The following MOB1A variants were observed in gnomAD, a reference collection of about 807,000 sequenced individuals.
The protein encoded by MOB1A is MOB1 Mps One Binder homolog A.
A neutral mutation model predicts 25.1 loss-of-function variants in MOB1A; 10 were observed. That is an observed-to-expected ratio of 0.40 (90% confidence interval 0.25 to 0.68). The LOEUF is 0.68. Among genes scored for constraint, MOB1A ranks in the 30% least tolerant of loss-of-function variants. The pLI is 0.40. For missense variants in MOB1A, 177 were observed against 256.3 expected (o/e 0.69, Z 2.11); for synonymous variants, 81 against 79.5 (o/e 1.02, Z -0.10).
At chr2:74,172,522 C>G in intron 2 of MOB1A, 64 bp downstream of exon 2, 2 of 1,486,708 alleles carry the variant, frequency 1.3e-6, no homozygotes, top group Non-Finnish European at 1.8e-6. Context: ...AAAGAAAATT[C>G]ATTAACAAAG....
intron 5 of MOB1A, among the ~76,000 whole-genome samples, chr2:74,157,818 T>A (rs1692845543): frequency 6.6e-6 from 1 of 152,136 alleles, no homozygotes; most frequent in African/African-American, 2.4e-5. Flanking sequence ...CAACTCTAGG[T>A]ATCAGTATGA....
At chr2:74,171,964 C>T (rs1474970528) in intron 2 of MOB1A, among the ~76,000 whole-genome samples, 1 of 152,022 alleles carries the variant, frequency 6.6e-6, no homozygotes, top group Non-Finnish European at 1.5e-5. Flanking sequence ...ACTTTTTATT[C>T]CTGGAACATC....
Position 74,153,020 on chromosome 2 carries a change from G to C in MOB1A, c.*3548C>G, listed in dbSNP as rs915224888. On this transcript the variant is annotated 3_prime_UTR_variant, in exon 6 of 6. Transcript: ENST00000396049. ...GAAAGCAAAAATAGGATGACCAAAGGACTACTATTTTACCTCTTTTCAGAA... is the reference window on the plus strand; with the variant it reads ...GAAAGCAAAAATAGGATGACCAAAGCACTACTATTTTACCTCTTTTCAGAA... 7 of 152,100 alleles carry C rather than the reference G, an allele frequency of 4.6e-5. No individual in the cohort carries two copies. Among genetic ancestry groups the C allele is most frequent in the African/African-American group, 1.7e-4 (7 of 41,414 alleles). The allele number at this position is 152,100 out of a possible 1,614,324, so 9.4% of individuals were successfully genotyped here.
chr2:74,170,140 T>G (rs200208075), intron 2 of MOB1A, among the ~76,000 whole-genome samples: 1 of 143,370 alleles, frequency 7.0e-6, no homozygotes, highest in African/African-American at 2.6e-5. Flanking sequence ...TTGTTTGTTT[T>G]TGTGTGTGTG....
Position 74,158,202 on chromosome 2 carries a change from G to GT in MOB1A, c.573+888_573+889insA, listed in dbSNP as rs1553444322. Among the ~76,000 whole-genome samples, 3 of 135,982 alleles carry GT rather than the reference G, an allele frequency of 2.2e-5. No homozygotes were observed. The East Asian group carries it at 6.5e-4, about 30-fold the overall frequency. 89.2% of individuals were successfully genotyped at this position (135,982 alleles called of 152,430 possible). ...CTCCAAAAAAAAAAAAAAGAGGGGG[G>GT]AAAAAAAAAAAAGAAACTACCTGAA... On this transcript the variant is annotated intron_variant, in intron 5 of 5. Transcript: ENST00000396049.
In MOB1A at chr2:74,175,890, G is replaced by A. The variant is rs143390387; in HGVS notation, c.14+2771C>T. Among the ~76,000 whole-genome samples the A allele has an allele frequency of 2.0e-3, 297 of 152,146 alleles. 1 individual carries two copies. The highest frequency in any genetic ancestry group is 6.5e-3 in the African/African-American group (269 of 41,500). ...GGTGATTACTTCTAGGAAGAGGAATGGAATAGAACTATGGACTTTTACTTT... is the reference window on the plus strand; with the variant it reads ...GGTGATTACTTCTAGGAAGAGGAATAGAATAGAACTATGGACTTTTACTTT... On this transcript the variant is annotated intron_variant, in intron 1 of 5. Coordinates refer to ENST00000396049, the MANE Select transcript of MOB1A (RefSeq NM_018221.5).
intron 2 of MOB1A, among the ~76,000 whole-genome samples, chr2:74,169,176 G>A (rs1432118159): frequency 2.6e-5 from 4 of 152,170 alleles, no homozygotes; most frequent in Non-Finnish European, 4.4e-5. Context: ...CATATTTATG[G>A]TAACATGTAA....
chr2:74,165,293 G>A lies in MOB1A; in HGVS notation c.334C>T (p.Pro112Ser). The change falls in exon 4 of 6, where the codon CCA becomes TCA. Residue 112 changes from proline to serine, a missense_variant. By Grantham distance (74) the Pro-to-Ser change is moderately conservative (BLOSUM62 -1). Transcript: ENST00000396049. ...NIKKPIKCSAPKYIDYLMTWV... is the reference protein window; with the variant it reads ...NIKKPIKCSASKYIDYLMTWV... The stretch of plus-strand genomic sequence containing the variant: ...GTCATCAAATAGTCAATGTATTTTG[G>A]TGCAGAACATTTGATTGGCTTTTTA... 6.3e-7 allele frequency: 1 copy of A among 1,583,652 alleles called. No individual in the cohort carries two copies. The highest frequency in any genetic ancestry group is 8.6e-7 in the Non-Finnish European group (1 of 1,163,388).
chr2:74,156,467 C>A lies in MOB1A; in HGVS notation c.*101G>T, dbSNP rs1242807468. The A allele has an allele frequency of 3.3e-6, 3 of 896,972 alleles. No homozygotes were observed. The African/African-American group carries it at 5.1e-5, about 15-fold the overall frequency. The allele number at this position is 896,972 out of a possible 1,614,324, so 55.6% of individuals were successfully genotyped here. On this transcript the variant is annotated 3_prime_UTR_variant, in exon 6 of 6. Coordinates refer to ENST00000396049, the MANE Select transcript of MOB1A (RefSeq NM_018221.5). ...CACAGGCAATGGGTATCTTTTTATC[C>A]TGTTTTCTTAAAGTTTGTATCACTA...
At chr2:74,162,632 A>C (rs1693005434) in intron 4 of MOB1A, among the ~76,000 whole-genome samples, 1 of 152,238 alleles carries the variant, frequency 6.6e-6, no homozygotes, top group Admixed American at 6.5e-5. Context: ...CAGTCAATAT[A>C]AAATAAAGAT....
At position 74,154,269 on chromosome 2, in the gene MOB1A, C is replaced by T. The variant is rs1318631501; in HGVS notation, c.*2299G>A. On this transcript the variant is annotated 3_prime_UTR_variant, in exon 6 of 6. Coordinates refer to ENST00000396049, the MANE Select transcript of MOB1A (RefSeq NM_018221.5). ...CCCTCTAGCCAACTCAGGAAGGCGC[C>T]ATCCTCTTCCCATTATCTCCCCTTC... The T allele has an allele frequency of 6.6e-6, 1 of 152,128 alleles. No homozygotes were observed. The highest frequency in any genetic ancestry group is 1.5e-5 in the Non-Finnish European group (1 of 68,044). 9.4% of individuals were successfully genotyped at this position (152,128 alleles called of 1,614,324 possible). A position where few individuals can be genotyped will look rare whatever the true frequency, so the allele number is the denominator to read the frequency against.
intron 5 of MOB1A, among the ~76,000 whole-genome samples, 169 bp from the exon 6 acceptor site, chr2:74,156,814 C>CT (rs1572952289): frequency 6.7e-6 from 1 of 149,156 alleles, no homozygotes; most frequent in African/African-American, 2.5e-5. Context: ...TTTTTTTTTT[C>CT]TTTTTTGTAC....
At chr2:74,160,199 C>A (rs544452998) in intron 4 of MOB1A, among the ~76,000 whole-genome samples, 2 of 152,320 alleles carry the variant, frequency 1.3e-5, no homozygotes, top group African/African-American at 4.8e-5. Flanking sequence ...AGAAATTACA[C>A]TGGCTCCGTG....
At position 74,165,268 on chromosome 2, in the gene MOB1A, G is replaced by C. The variant is rs760009975; in HGVS notation, c.359C>G (p.Thr120Ser). ...ATCATCAAGCTGATCTTGAACCCAA[G>C]TCATCAAATAGTCAATGTATTTTGG... is the stretch of plus-strand genomic sequence containing the variant. ...SAPKYIDYLM[T>S]WVQDQLDDET... The change falls in exon 4 of 6, where the codon ACT becomes AGT. Residue 120 changes from threonine to serine, a missense_variant. Transcript: ENST00000396049. The C allele has an allele frequency of 5.1e-6, 8 of 1,574,608 alleles. No individual in the cohort carries two copies. The African/African-American group carries it at 8.1e-5, about 16-fold the overall frequency.
chr2:74,178,593 A>G, intron 1 of MOB1A, 68 bp downstream of exon 1: 2 of 1,207,318 alleles, frequency 1.7e-6, no homozygotes, highest in Non-Finnish European at 1.1e-6. Context: ...CCCTCGCCTC[A>G]GGTCCGGGGA....
chr2:74,178,598 C>T, intron 1 of MOB1A, 63 bp downstream of exon 1: 8 of 1,270,956 alleles, frequency 6.3e-6, no homozygotes, highest in Non-Finnish European at 8.2e-6. Flanking sequence ...GCCTCAGGTC[C>T]GGGGAGGCCT....
intron 1 of MOB1A, among the ~76,000 whole-genome samples, chr2:74,176,275 C>CAAAAAAAAA (rs1201428854): frequency 6.8e-5 from 2 of 29,616 alleles, no homozygotes; most frequent in African/African-American, 1.6e-4. Context: ...GACCCTGTCT[C>CAAAAAAAAA]AAAAAAAAAA....
At chr2:74,165,077 T>C (rs1693089879) in intron 4 of MOB1A, 141 bp downstream of exon 4, 1 of 504,968 alleles carries the variant, frequency 2.0e-6, no homozygotes, top group Non-Finnish European at 3.3e-6. Context: ...CCCAGCACTG[T>C]GGGAGGCCAA....
At chr2:74,170,803 A>G in intron 2 of MOB1A, among the ~76,000 whole-genome samples, 1 of 151,226 alleles carries the variant, frequency 6.6e-6, no homozygotes, top group East Asian at 1.9e-4. Flanking sequence ...AGGTGGGAGG[A>G]TCACTTGAGT....
Sources: gnomAD v4.1 joint callset for allele counts (sites outside exome capture counted in the v4.1 genomes callset) on GRCh38, gnomAD v4.1.1 for gene constraint, MANE v1.5 for transcripts, NCBI Gene and HGNC (gene_info 2026-07-23, HGNC 2026-07-21) for gene names.